SLX4IP: variants seen among roughly 807,000 people sequenced by gnomAD.
SLX4IP encodes the protein protein SLX4IP.
Under a neutral mutation model 32.9 loss-of-function variants are expected in SLX4IP, and 34 were observed. That is an observed-to-expected ratio of 1.03 (90% CI 0.79 to 1.38). The LOEUF is 1.38. Ranked by LOEUF, SLX4IP falls within the 40% of genes most tolerant of loss-of-function variation. The pLI, the probability that SLX4IP is intolerant of heterozygous loss-of-function variation, is 0.00. For missense variants in SLX4IP, 444 were observed against 479.0 expected (o/e 0.93, Z 0.68); for synonymous variants, 172 against 171.7 (o/e 1.00, Z -0.01).
intron 2 of SLX4IP, among the ~76,000 whole-genome samples, chr20:10,506,528 C>G (rs374357557): frequency 6.6e-6 from 1 of 152,166 alleles, no homozygotes; most frequent in Admixed American, 6.5e-5. Flanking sequence ...CTCTGGCTCT[C>G]TTGAAGAGAA....
chr20:10,459,992 A>AT (rs1344450513), intron 2 of SLX4IP, among the ~76,000 whole-genome samples: 3 of 152,190 alleles, frequency 2.0e-5, no homozygotes, highest in Non-Finnish European at 4.4e-5. Context: ...GCTCTGTCTT[A>AT]TTTTTAACCA....
intron 3 of SLX4IP, among the ~76,000 whole-genome samples, chr20:10,559,883 A>T (rs947934078): frequency 6.6e-6 from 1 of 152,214 alleles, no homozygotes; most frequent in African/African-American, 2.4e-5. Flanking sequence ...AAACAAAGGC[A>T]TATACAGTAT....
chr20:10,489,724 G>C (rs951552037), intron 2 of SLX4IP, among the ~76,000 whole-genome samples: 31 of 152,286 alleles, frequency 2.0e-4, no homozygotes, highest in African/African-American at 7.5e-4. Context: ...ACATGTGTCT[G>C]GATGGGCCTC....
chr20:10,596,155 T>G (rs991831533), intron 4 of SLX4IP, among the ~76,000 whole-genome samples: 5 of 152,204 alleles, frequency 3.3e-5, no homozygotes, highest in Non-Finnish European at 4.4e-5. Flanking sequence ...AAGTAGTATC[T>G]TCAGATACCA....
At chr20:10,492,972 A>C (rs974137491) in intron 2 of SLX4IP, among the ~76,000 whole-genome samples, 6 of 142,030 alleles carry the variant, frequency 4.2e-5, no homozygotes, top group Admixed American at 3.6e-4. Flanking sequence ...CATTATCACA[A>C]GTCTTTTTTT....
Position 10,435,331 on chromosome 20 carries a change from G to C in SLX4IP, c.-152G>C, listed in dbSNP as rs2122304483. 1 of 152,330 alleles carries C rather than the reference G, an allele frequency of 6.6e-6. No homozygotes were observed. Among genetic ancestry groups the C allele is most frequent in the Non-Finnish European group, 1.5e-5 (1 of 68,042 alleles). The allele number at this position is 152,330 out of a possible 1,614,324, so 9.4% of individuals were successfully genotyped here. On this transcript the variant is annotated 5_prime_UTR_variant, in exon 1 of 8. Coordinates refer to ENST00000334534, the MANE Select transcript of SLX4IP (RefSeq NM_001009608.3). ...AAAGTGCTTCCCTTAAGCTTCTGAA[G>C]GTTGGCTGCAGTTCCGGCTACCTGT... is the stretch of plus-strand genomic sequence containing the variant.
chr20:10,614,332 T>C, intron 6 of SLX4IP: 1 of 580,534 alleles, frequency 1.7e-6, no homozygotes, highest in Non-Finnish European at 3.0e-6. Flanking sequence ...ATAGCTTTTT[T>C]TCATCCCTTT....
chr20:10,463,855 C>T (rs2065358564), intron 2 of SLX4IP, among the ~76,000 whole-genome samples: 1 of 152,084 alleles, frequency 6.6e-6, no homozygotes, highest in African/African-American at 2.4e-5. Flanking sequence ...AGTCATAACT[C>T]ACTGCGGCCT....
intron 4 of SLX4IP, among the ~76,000 whole-genome samples, chr20:10,582,006 A>T (rs541123959): frequency 6.6e-6 from 1 of 152,286 alleles, no homozygotes; most frequent in Admixed American, 6.5e-5. Flanking sequence ...ATGAAAAGTG[A>T]TTCCGTGGGG....
intron 1 of SLX4IP, among the ~76,000 whole-genome samples, chr20:10,452,680 A>AAAAAT (rs1326662021): frequency 3.0e-4 from 33 of 109,496 alleles, no homozygotes; most frequent in Middle Eastern, 4.6e-3. Flanking sequence ...AAAAAAAAAA[A>AAAAAT]ATATATATAT....
intron 2 of SLX4IP, among the ~76,000 whole-genome samples, chr20:10,540,161 CTCCT>C (rs879438530): frequency 1.1e-3 from 122 of 108,228 alleles, no homozygotes; most frequent in African/African-American, 1.4e-3. Flanking sequence ...CCTTCCTTCT[CTCCT>C]TCCTTCCTTC....
At chr20:10,592,839 A>G (rs965648083) in intron 4 of SLX4IP, among the ~76,000 whole-genome samples, 3 of 151,836 alleles carry the variant, frequency 2.0e-5, no homozygotes, top group African/African-American at 7.3e-5. Context: ...TCACCATGTG[A>G]GCCAGGATGG....
chr20:10,525,397 C>A (rs1351196139), intron 2 of SLX4IP, among the ~76,000 whole-genome samples: 1 of 152,104 alleles, frequency 6.6e-6, no homozygotes, highest in Non-Finnish European at 1.5e-5. Flanking sequence ...TGCTTTCCAT[C>A]TGCTCACATA....
At chr20:10,588,320 C>G (rs900493970) in intron 4 of SLX4IP, among the ~76,000 whole-genome samples, 2 of 152,082 alleles carry the variant, frequency 1.3e-5, no homozygotes, top group South Asian at 4.1e-4. Context: ...TCATCTCATA[C>G]CTGTTAGAAT....
rs1246444742 is a variant in SLX4IP, at chr20:10,598,666, A to G, written c.239-9A>G. On this transcript the variant is annotated splice_polypyrimidine_tract_variant and intron_variant, in intron 4 of 7. Coordinates refer to ENST00000334534, the MANE Select transcript of SLX4IP (RefSeq NM_001009608.3). ...ACTTAACTTAGTGATGTTCCCTTTC[A>G]CTTTCCAGGTTATGGCTTTCAAATC... 6.2e-7 allele frequency: 1 copy of G among 1,613,828 alleles called. No individual in the cohort carries two copies.
chr20:10,481,079 CA>C (rs1204268281), intron 2 of SLX4IP, among the ~76,000 whole-genome samples: 1 of 34,882 alleles, frequency 2.9e-5, no homozygotes, highest in Non-Finnish European at 5.1e-5. Flanking sequence ...AATATTCTTA[CA>C]ACTTTTTTTT....
At chr20:10,541,463 T>C (rs2066105485) in intron 2 of SLX4IP, among the ~76,000 whole-genome samples, 1 of 152,222 alleles carries the variant, frequency 6.6e-6, no homozygotes, top group African/African-American at 2.4e-5. Flanking sequence ...GTCTAGGCTG[T>C]CCAATGTGGC....
chr20:10,527,839 C>T (rs1411303922), intron 2 of SLX4IP, among the ~76,000 whole-genome samples: 3 of 152,114 alleles, frequency 2.0e-5, no homozygotes, highest in African/African-American at 4.8e-5. Flanking sequence ...AAAAGATTGA[C>T]GCACATTTAA....
At chr20:10,563,115 G>T (rs561864765) in intron 4 of SLX4IP, among the ~76,000 whole-genome samples, 5 of 152,286 alleles carry the variant, frequency 3.3e-5, no homozygotes, top group Admixed American at 2.0e-4. Context: ...CCTAACTGCG[G>T]TGAGATATCT....
Sources: allele counts gnomAD v4.1 joint callset (sites outside exome capture counted in the v4.1 genomes callset), GRCh38; gene constraint gnomAD v4.1.1; transcripts MANE v1.5; gene names NCBI Gene and HGNC (gene_info 2026-07-23, HGNC 2026-07-21).